The following NAV3 variants were observed in gnomAD, a reference collection of about 807,000 sequenced individuals.
The protein encoded by NAV3 is pore membrane and/or filament interacting like protein 1.
NAV3 carries 87 observed loss-of-function variants against 244.7 expected under a neutral mutation model. That is an observed-to-expected ratio of 0.36 (90% CI 0.30 to 0.42). The LOEUF (loss-of-function observed/expected upper bound fraction) is 0.42. Ranked by LOEUF, NAV3 falls within the 20% of genes least tolerant of loss-of-function variation. The pLI is 1.00. For missense variants in NAV3, 2,663 were observed against 2,893.3 expected, an observed-to-expected ratio of 0.92 and a Z score of 1.83; for synonymous variants, 1,126 against 1,042.2, an observed-to-expected ratio of 1.08 and a Z score of -1.55.
chr12:77,673,143 G>A (rs1010545053), intron 2 of NAV3, among the ~76,000 whole-genome samples: 14 of 152,068 alleles, frequency 9.2e-5, no homozygotes, highest in Non-Finnish European at 2.1e-4. Context: ...TTACACCAGG[G>A]ATATAAACTT....
chr12:77,947,772 A>G (rs1263064423), intron 3 of NAV3, among the ~76,000 whole-genome samples: 1 of 152,166 alleles, frequency 6.6e-6, no homozygotes, highest in Admixed American at 6.6e-5. Flanking sequence ...ATAAACTACT[A>G]GTATCAGGGA....
At chr12:77,916,446 C>G (rs1457578591) in intron 1 of NAV3, among the ~76,000 whole-genome samples, 1 of 151,826 alleles carries the variant, frequency 6.6e-6, no homozygotes, top group African/African-American at 2.4e-5. Context: ...TTAATCCTAT[C>G]AAGAGAAGAA....
In NAV3 at chr12:77,738,808, A is replaced by T. The variant is rs551588605; in HGVS notation, c.72+166542A>T. Among the ~76,000 whole-genome samples, 33 of 152,276 alleles carry T rather than the reference A, an allele frequency of 2.2e-4. 1 individual carries two copies. The South Asian group carries it at 6.8e-3, about 32-fold the overall frequency. On this transcript the variant is annotated intron_variant, in intron 2 of 8. Transcript: ENST00000550042. Reference sequence around the variant, plus strand: ...GGCGGATCACGAGGTCAGGAGATCGAGACCATCCTGGCTAACACGGTGAAA... The same window carrying T: ...GGCGGATCACGAGGTCAGGAGATCGTGACCATCCTGGCTAACACGGTGAAA...
chr12:77,840,496 G>A (rs1488208084), intron 1 of NAV3, among the ~76,000 whole-genome samples: 1 of 152,132 alleles, frequency 6.6e-6, no homozygotes, highest in African/African-American at 2.4e-5. Flanking sequence ...CAATGGAAGA[G>A]GGACAAATCT....
intron 2 of NAV3, among the ~76,000 whole-genome samples, chr12:77,750,170 G>A (rs1311803325): frequency 6.6e-6 from 1 of 152,142 alleles, no homozygotes; most frequent in East Asian, 1.9e-4. Flanking sequence ...TGGCTAATAT[G>A]GTGAAACCCC....
chr12:77,594,923 C>T (rs1037038986), intron 2 of NAV3, among the ~76,000 whole-genome samples: 1 of 152,036 alleles, frequency 6.6e-6, no homozygotes, highest in African/African-American at 2.4e-5. Flanking sequence ...GAATGCAGTA[C>T]TGAGAAAAGG....
At chr12:78,092,436 T>G (rs1484882280) in intron 12 of NAV3, among the ~76,000 whole-genome samples, 2 of 151,804 alleles carry the variant, frequency 1.3e-5, no homozygotes, top group African/African-American at 4.8e-5. Context: ...AATGGTAATA[T>G]TTTTCTAATA....
chr12:78,204,280 C>T (rs1423098679), intron 38 of NAV3, among the ~76,000 whole-genome samples: 1 of 151,976 alleles, frequency 6.6e-6, no homozygotes, highest in African/African-American at 2.4e-5. Context: ...GGGTGCAGCA[C>T]ACCAACATGG....
rs968355339 is a variant in NAV3 at position 77,755,648 on chromosome 12, T to C, written c.72+183382T>C. Among the ~76,000 whole-genome samples, 67 of 120,548 alleles carry C rather than the reference T, an allele frequency of 5.6e-4. 17 individuals carry two copies. The highest frequency in any genetic ancestry group is 8.4e-4 in the African/African-American group (26 of 30,908). The allele number at this position is 120,548 out of a possible 152,430, so 79.1% of individuals were successfully genotyped here. A position where few individuals can be genotyped will look rare whatever the true frequency, so the allele number is the denominator to read the frequency against. ...TTCCTTCCTTCCTTCCTTCCTTCCT[T>C]CCTTCCTTCCACTCTCTCTCTTTCT... On this transcript the variant is annotated intron_variant, in intron 2 of 8. Transcript: ENST00000550042.
At chr12:77,772,203 T>G (rs1870127051) in intron 2 of NAV3, among the ~76,000 whole-genome samples, 2 of 152,146 alleles carry the variant, frequency 1.3e-5, no homozygotes, top group African/African-American at 2.4e-5. Context: ...ACGCTAGTAT[T>G]CAAACTTAGA....
At chr12:78,209,354 GAA>G (rs5799382) in intron 39 of NAV3, among the ~76,000 whole-genome samples, 15 of 150,096 alleles carry the variant, frequency 1.0e-4, no homozygotes, top group Non-Finnish European at 1.9e-4. Context: ...CTGTAAGTTG[GAA>G]AAAAAAAACT....
chr12:77,702,304 G>A (rs1324267903), intron 2 of NAV3, among the ~76,000 whole-genome samples: 2 of 151,918 alleles, frequency 1.3e-5, no homozygotes, highest in East Asian at 3.9e-4. Context: ...GCTGCATGGT[G>A]TATCTTGTTA....
intron 9 of NAV3, among the ~76,000 whole-genome samples, chr12:78,023,807 A>T (rs1203671209): frequency 6.6e-6 from 1 of 152,162 alleles, no homozygotes; most frequent in African/African-American, 2.4e-5. Context: ...ATTTTGGTTT[A>T]TGGGTCACTA....
At chr12:77,994,962 C>A in intron 6 of NAV3, 91 bp downstream of exon 6, 2 of 900,380 alleles carry the variant, frequency 2.2e-6, no homozygotes, top group Non-Finnish European at 3.4e-6. Context: ...TTTAATGATG[C>A]ACTTCTGAAT....
At chr12:78,031,879 G>A (rs191671739) in intron 9 of NAV3, among the ~76,000 whole-genome samples, 13 of 151,216 alleles carry the variant, frequency 8.6e-5, no homozygotes, top group Admixed American at 5.3e-4. Flanking sequence ...AAAACTTAAA[G>A]TATAATAAAA....
At chr12:78,076,340 A>G (rs1160733825) in intron 12 of NAV3, among the ~76,000 whole-genome samples, 1 of 151,488 alleles carries the variant, frequency 6.6e-6, no homozygotes, top group Non-Finnish European at 1.5e-5. Flanking sequence ...TCTCCTCAAA[A>G]CCTCATAGAC....
intron 2 of NAV3, among the ~76,000 whole-genome samples, chr12:77,641,332 A>G (rs1872403678): frequency 6.6e-6 from 1 of 152,204 alleles, no homozygotes; most frequent in South Asian, 2.1e-4. Context: ...AGTTGGGATG[A>G]CATCACAGAG....
chr12:77,951,667 C>G (rs1367076112), intron 3 of NAV3, among the ~76,000 whole-genome samples: 2 of 152,074 alleles, frequency 1.3e-5, no homozygotes. Flanking sequence ...TTGGAACCAA[C>G]CCAAATGTCC....
At chr12:77,976,572 A>G (rs1868405164) in intron 5 of NAV3, among the ~76,000 whole-genome samples, 1 of 151,858 alleles carries the variant, frequency 6.6e-6, no homozygotes, top group Admixed American at 6.6e-5. Flanking sequence ...CCCTTTCTGA[A>G]CCATTCTAAA....
Sources: allele counts gnomAD v4.1 joint callset (sites outside exome capture counted in the v4.1 genomes callset), GRCh38; gene constraint gnomAD v4.1.1; transcripts MANE v1.5; gene names NCBI Gene and HGNC (gene_info 2026-07-23, HGNC 2026-07-21).